EPHB1: variants seen among roughly 807,000 people sequenced by gnomAD.
The protein encoded by EPHB1 is EPH receptor B1.
In EPHB1, 30 loss-of-function variants were observed where a neutral mutation model predicts 94.4. The ratio of observed to expected loss-of-function variants is 0.32; its 90% CI spans 0.24 to 0.43. The LOEUF (loss-of-function observed/expected upper bound fraction) is 0.43, where lower values mean the gene tolerates loss of function less well. Among genes scored for constraint, EPHB1 ranks in the 20% least tolerant of loss-of-function variants. The pLI is 1.00. For synonymous variants in EPHB1, 522 were observed against 489.1 expected, an observed-to-expected ratio of 1.07 and a Z score of -0.89; for missense variants, 1,055 against 1,308.3, an observed-to-expected ratio of 0.81 and a Z score of 2.99.
chr3:134,950,803 A>T (rs191435343), intron 2 of EPHB1, among the ~76,000 whole-genome samples: 9 of 152,340 alleles, frequency 5.9e-5, no homozygotes, highest in Admixed American at 3.3e-4. Flanking sequence ...TCCAAACCAT[A>T]TCAGTCTTTC....
intron 4 of EPHB1, among the ~76,000 whole-genome samples, chr3:135,132,035 T>C (rs191545295): frequency 6.6e-6 from 1 of 152,350 alleles, no homozygotes; most frequent in Admixed American, 6.5e-5. Context: ...GTAATGTATA[T>C]AAAGCAGCTA....
Position 135,154,142 on chromosome 3 carries a change from C to G in EPHB1, c.1298-10C>G, listed in dbSNP as rs372645236. ...CTGTTCAGCTACCCTGTTTCTTTCT[C>G]TCTCCACAGCCCCCTCCACCGTTCC... On this transcript the variant is annotated splice_polypyrimidine_tract_variant and intron_variant, in intron 5 of 15. Coordinates refer to ENST00000398015, the MANE Select transcript of EPHB1 (RefSeq NM_004441.5). 2.5e-6 allele frequency: 4 copies of G among 1,613,774 alleles called. No individual in the cohort carries two copies. The highest frequency in any genetic ancestry group is 3.4e-6 in the Non-Finnish European group (4 of 1,179,832).
intron 11 of EPHB1, among the ~76,000 whole-genome samples, chr3:135,196,745 G>T (rs1158977533): frequency 6.6e-6 from 1 of 152,020 alleles, no homozygotes; most frequent in Non-Finnish European, 1.5e-5. Flanking sequence ...TTTCCCACTG[G>T]TCATAGCGTC....
intron 3 of EPHB1, among the ~76,000 whole-genome samples, chr3:135,046,619 C>T (rs1399155897): frequency 6.6e-6 from 1 of 152,114 alleles, no homozygotes; most frequent in Non-Finnish European, 1.5e-5. Context: ...AATATTAATC[C>T]TTCAATTGAG....
At chr3:134,927,729 C>T (rs1578203665) in intron 2 of EPHB1, among the ~76,000 whole-genome samples, 1 of 152,198 alleles carries the variant, frequency 6.6e-6, no homozygotes, top group East Asian at 1.9e-4. Flanking sequence ...TCAAGGCATG[C>T]CCTTTAGAGA....
At chr3:134,965,633 T>G (rs1357757317) in intron 3 of EPHB1, among the ~76,000 whole-genome samples, 2 of 152,192 alleles carry the variant, frequency 1.3e-5, no homozygotes, top group Non-Finnish European at 2.9e-5. Context: ...CTGTGGAGAT[T>G]GATTTTTTCA....
intron 6 of EPHB1, among the ~76,000 whole-genome samples, chr3:135,160,239 G>A (rs1243907247): frequency 6.6e-6 from 1 of 152,184 alleles, no homozygotes; most frequent in Non-Finnish European, 1.5e-5. Context: ...CCAAACGAAG[G>A]AATGAGTAAA....
chr3:134,893,348 T>G (rs9839573), intron 1 of EPHB1, among the ~76,000 whole-genome samples: 79,519 of 151,994 alleles, frequency 0.52, 21,102 homozygotes, highest in South Asian at 0.62. Context: ...ACTTCAGTGG[T>G]TTCCTTTTGC....
At chr3:134,825,852 G>A (rs2036467313) in intron 1 of EPHB1, among the ~76,000 whole-genome samples, 1 of 152,072 alleles carries the variant, frequency 6.6e-6, no homozygotes, top group South Asian at 2.1e-4. Context: ...GTTTTCTACT[G>A]TCTTTCTCAT....
chr3:134,864,807 T>C (rs1020148352), intron 1 of EPHB1, among the ~76,000 whole-genome samples: 3 of 152,130 alleles, frequency 2.0e-5, no homozygotes, highest in Non-Finnish European at 4.4e-5. Flanking sequence ...GCAATACCCA[T>C]TTCCTGCCAG....
intron 1 of EPHB1, among the ~76,000 whole-genome samples, chr3:134,843,563 C>T (rs2036814922): frequency 6.6e-6 from 1 of 151,924 alleles, no homozygotes; most frequent in African/African-American, 2.4e-5. Flanking sequence ...GGTTCTGTTG[C>T]CTTTTACTTT....
intron 4 of EPHB1, among the ~76,000 whole-genome samples, chr3:135,125,469 C>G (rs1394486024): frequency 6.6e-6 from 1 of 152,058 alleles, no homozygotes; most frequent in Non-Finnish European, 1.5e-5. Flanking sequence ...CTGATGTGCT[C>G]CTGTTGAGGG....
intron 5 of EPHB1, among the ~76,000 whole-genome samples, chr3:135,138,428 C>T (rs1940699457): frequency 6.6e-6 from 1 of 152,110 alleles, no homozygotes; most frequent in Non-Finnish European, 1.5e-5. Flanking sequence ...TATTTGCATG[C>T]ATAAAGAATA....
intron 4 of EPHB1, among the ~76,000 whole-genome samples, chr3:135,118,720 C>T (rs938601032): frequency 7.9e-5 from 12 of 152,116 alleles, no homozygotes; most frequent in Admixed American, 6.5e-5. Context: ...CCATGCAAGG[C>T]GGCTGGGAAA....
chr3:134,857,072 G>A (rs1309628946), intron 1 of EPHB1, among the ~76,000 whole-genome samples: 4 of 152,226 alleles, frequency 2.6e-5, no homozygotes, highest in African/African-American at 9.6e-5. Context: ...GGCGACTGGG[G>A]TGGGGTGTCG....
intron 5 of EPHB1, among the ~76,000 whole-genome samples, chr3:135,138,916 G>A (rs527384911): frequency 6.6e-6 from 1 of 152,166 alleles, no homozygotes; most frequent in Admixed American, 6.5e-5. Context: ...TGTGTTCTCC[G>A]TTGAGCTCAG....
At chr3:134,854,345 C>T (rs1578139603) in intron 1 of EPHB1, among the ~76,000 whole-genome samples, 2 of 152,236 alleles carry the variant, frequency 1.3e-5, no homozygotes, top group Middle Eastern at 6.8e-3. Context: ...AGGAGATGAT[C>T]TGTGTCCTGG....
chr3:134,812,352 G>A (rs867810739), intron 1 of EPHB1, among the ~76,000 whole-genome samples: 1 of 152,194 alleles, frequency 6.6e-6, no homozygotes, highest in Non-Finnish European at 1.5e-5. Flanking sequence ...AAAGCTCATA[G>A]AAATGGAATC....
rs561605606 is a variant in EPHB1 at position 134,983,185 on chromosome 3, T to A, written c.805+31133T>A. Reference sequence around the variant, plus strand: ...CACAGGTCAAATTGCTTTGTCTGTGTTCACTCCTTCATTGGCGAGTGTGTG... The same window carrying A: ...CACAGGTCAAATTGCTTTGTCTGTGATCACTCCTTCATTGGCGAGTGTGTG... On this transcript the variant is annotated intron_variant, in intron 3 of 15. Transcript: ENST00000398015. Among the ~76,000 whole-genome samples the A allele has an allele frequency of 6.6e-5, 10 of 152,362 alleles. No homozygotes were observed. The East Asian group carries it at 1.5e-3, about 23-fold the overall frequency.
Sources: allele counts gnomAD v4.1 joint callset (sites outside exome capture counted in the v4.1 genomes callset), GRCh38; gene constraint gnomAD v4.1.1; transcripts MANE v1.5; gene names NCBI Gene and HGNC (gene_info 2026-07-23, HGNC 2026-07-21).